The following TDRD9 variants were observed in gnomAD, a reference collection of about 807,000 sequenced individuals.
TDRD9 encodes the protein ATP-dependent RNA helicase TDRD9.
A neutral mutation model predicts 172.6 loss-of-function variants in TDRD9; 124 were observed. That is an observed-to-expected ratio of 0.72 (90% confidence interval 0.62 to 0.83). TDRD9 has a LOEUF of 0.83. TDRD9 is among the 40% of genes least tolerant of loss of function. TDRD9 has a pLI of 0.00. For missense variants in TDRD9, 1,479 were observed against 1,714.1 expected (o/e 0.86, Z 2.42); for synonymous variants, 619 against 617.1 (o/e 1.00, Z -0.05).
At chr14:104,046,003 C>G (rs2035763660) in intron 34 of TDRD9, among the ~76,000 whole-genome samples, 1 of 152,226 alleles carries the variant, frequency 6.6e-6, no homozygotes, top group Non-Finnish European at 1.5e-5. Context: ...GTCGCCCAGG[C>G]TGGAGTACAG....
At chr14:103,984,491 G>A (rs947867448) in intron 7 of TDRD9, among the ~76,000 whole-genome samples, 16 of 152,248 alleles carry the variant, frequency 1.1e-4, no homozygotes, top group Non-Finnish European at 2.2e-4. Context: ...GAGGGTGCAA[G>A]CCTCAAGCCT....
intron 20 of TDRD9, among the ~76,000 whole-genome samples, chr14:104,009,705 A>G (rs763604018): frequency 6.6e-6 from 1 of 152,218 alleles, no homozygotes; most frequent in Non-Finnish European, 1.5e-5. Flanking sequence ...CAAACATTGT[A>G]CAGCTATGCA....
intron 1 of TDRD9, chr14:103,941,333 C>T (rs2031217735): frequency 2.4e-6 from 3 of 1,236,714 alleles, no homozygotes; most frequent in African/African-American, 1.5e-5. Context: ...AGTTTCTAGT[C>T]AAAATATATG....
chr14:103,996,939 A>C (rs1389642516), intron 12 of TDRD9, among the ~76,000 whole-genome samples: 2 of 152,072 alleles, frequency 1.3e-5, no homozygotes, highest in Non-Finnish European at 2.9e-5. Context: ...TGTTTGGGGT[A>C]GGAGAAGGCA....
intron 14 of TDRD9, 151 bp from the exon 15 acceptor site, chr14:104,005,123 T>A: frequency 1.6e-6 from 1 of 627,606 alleles, no homozygotes. Context: ...CTCTCTCCCT[T>A]CTCTTCTCTC....
intron 6 of TDRD9, among the ~76,000 whole-genome samples, chr14:103,971,079 G>C (rs1426756327): frequency 2.0e-5 from 3 of 151,860 alleles, no homozygotes; most frequent in Admixed American, 2.0e-4. Flanking sequence ...CGCCTCCTGG[G>C]TTCATGCCAT....
intron 14 of TDRD9, 190 bp from the exon 15 acceptor site, chr14:104,005,084 C>A: frequency 2.5e-6 from 1 of 405,900 alleles, no homozygotes; most frequent in Admixed American, 4.4e-5. Flanking sequence ...TTTATTTTTC[C>A]ATCTCTTTCT....
At chr14:103,951,993 C>T (rs931215670) in intron 1 of TDRD9, among the ~76,000 whole-genome samples, 3 of 150,440 alleles carry the variant, frequency 2.0e-5, no homozygotes, top group Non-Finnish European at 4.5e-5. Context: ...TGGTCTCGAT[C>T]TCCTGACCTT....
At chr14:103,955,912 C>A in intron 2 of TDRD9, 142 bp downstream of exon 2, 1 of 616,522 alleles carries the variant, frequency 1.6e-6, no homozygotes, top group Non-Finnish European at 2.7e-6. Context: ...GAATTTAACA[C>A]TAGCCTGGGC....
chr14:104,000,566 T>C (rs1036222867), intron 13 of TDRD9, among the ~76,000 whole-genome samples: 9 of 151,942 alleles, frequency 5.9e-5, no homozygotes. Flanking sequence ...TGGTGGATCA[T>C]TTGAGGTCAG....
chr14:103,975,032 A>G (rs1056817167), intron 6 of TDRD9, among the ~76,000 whole-genome samples: 2 of 152,084 alleles, frequency 1.3e-5, no homozygotes, highest in Non-Finnish European at 2.9e-5. Flanking sequence ...TCAGCCTCCC[A>G]AAGTGCTGGG....
chr14:104,009,454 G>A (rs983938554), intron 20 of TDRD9, among the ~76,000 whole-genome samples: 1 of 152,200 alleles, frequency 6.6e-6, no homozygotes, highest in Non-Finnish European at 1.5e-5. Flanking sequence ...AGCTTATGGT[G>A]AATGCAGATT....
intron 14 of TDRD9, 99 bp from the exon 15 acceptor site, chr14:104,005,175 C>A: frequency 1.6e-6 from 2 of 1,256,736 alleles, no homozygotes; most frequent in South Asian, 1.4e-5. Context: ...CTCTCCTCTC[C>A]TTCTCTCCTC....
intron 1 of TDRD9, chr14:103,942,392 A>G (rs1325282285): frequency 2.0e-5 from 3 of 152,222 alleles, no homozygotes; most frequent in South Asian, 2.1e-4. Context: ...TGCCTTTTCA[A>G]TGTAGCTCAG....
intron 1 of TDRD9, among the ~76,000 whole-genome samples, chr14:103,939,591 C>T (rs4906388): frequency 0.026 from 3,688 of 141,450 alleles, 146 homozygotes; most frequent in Admixed American, 0.13. Context: ...GGTTGCATTA[C>T]GTGATTGGGA....
At chr14:103,967,412 C>A (rs1258680800) in intron 5 of TDRD9, among the ~76,000 whole-genome samples, 6 of 147,936 alleles carry the variant, frequency 4.1e-5, no homozygotes, top group Non-Finnish European at 7.4e-5. Flanking sequence ...ATAGTCCCAG[C>A]TACTTGAGAG....
intron 32 of TDRD9, 76 bp downstream of exon 32, chr14:104,035,132 T>C (rs921379131): frequency 2.1e-5 from 25 of 1,189,906 alleles, no homozygotes; most frequent in Non-Finnish European, 2.9e-5. Context: ...CTCTCCTTGC[T>C]CCTTTTGGAA....
intron 29 of TDRD9, 85 bp from the exon 30 acceptor site, chr14:104,031,932 G>A: frequency 2.3e-6 from 2 of 881,930 alleles, no homozygotes; most frequent in Non-Finnish European, 3.4e-6. Flanking sequence ...TTCCTTTAAA[G>A]AATGAGCTGA....
At chr14:103,936,477 C>T (rs2030771869) in intron 1 of TDRD9, among the ~76,000 whole-genome samples, 1 of 152,144 alleles carries the variant, frequency 6.6e-6, no homozygotes, top group African/African-American at 2.4e-5. Flanking sequence ...GCAGTCCTGT[C>T]TTGATTGAAT....
Sources: allele counts gnomAD v4.1 joint callset (sites outside exome capture counted in the v4.1 genomes callset), GRCh38; gene constraint gnomAD v4.1.1; transcripts MANE v1.5; gene names NCBI Gene and HGNC (gene_info 2026-07-23, HGNC 2026-07-21).